CLVS1: variants seen among roughly 807,000 people sequenced by gnomAD.
CLVS1 encodes clavesin 1.
CLVS1 carries 10 observed loss-of-function variants against 33.1 expected under a neutral mutation model. The observed-to-expected ratio is 0.30, with a 90% CI of 0.19 to 0.51. The LOEUF (loss-of-function observed/expected upper bound fraction) is 0.51. Ranked by LOEUF, CLVS1 falls within the 20% of genes least tolerant of loss-of-function variation. The pLI is 0.97. For synonymous variants in CLVS1, 163 were observed against 166.1 expected (o/e 0.98, Z 0.14); for missense variants, 343 against 433.4 (o/e 0.79, Z 1.85).
intron 2 of CLVS1, among the ~76,000 whole-genome samples, chr8:61,368,056 A>G (rs1813286368): frequency 6.6e-6 from 1 of 152,238 alleles, no homozygotes; most frequent in South Asian, 2.1e-4. Context: ...TCAATTCTTG[A>G]GAGAATACAG....
intron 5 of CLVS1, among the ~76,000 whole-genome samples, chr8:61,495,925 C>T (rs1468535029): frequency 6.6e-6 from 1 of 152,164 alleles, no homozygotes; most frequent in Non-Finnish European, 1.5e-5. Flanking sequence ...TCTGGCTAGC[C>T]TTGGCTGGGC....
chr8:61,212,178 C>A (rs1807984302), intron 2 of CLVS1, among the ~76,000 whole-genome samples: 2 of 152,338 alleles, frequency 1.3e-5, no homozygotes, highest in African/African-American at 4.8e-5. Flanking sequence ...AGCCTCTCCG[C>A]CCTCCAGTTC....
rs188142390 is a variant in CLVS1, at chr8:61,290,968, A to G, written c.-152+2830A>G. Reference sequence around the variant, plus strand: ...CAAGTCTGCAACCTCTAACTGATGTATGTCTCTTTATTGAAACTTATGCTT... The same window carrying G: ...CAAGTCTGCAACCTCTAACTGATGTGTGTCTCTTTATTGAAACTTATGCTT... On this transcript the variant is annotated intron_variant, in intron 1 of 5. Coordinates refer to ENST00000325897, the MANE Select transcript of CLVS1 (RefSeq NM_173519.3). Among the ~76,000 whole-genome samples the G allele has an allele frequency of 4.5e-4, 69 of 152,302 alleles. 1 individual carries two copies. In the East Asian group the frequency reaches 0.013, roughly 28 times the overall value.
At chr8:61,063,424 G>A (rs1266369642) in intron 1 of CLVS1, among the ~76,000 whole-genome samples, 2 of 152,188 alleles carry the variant, frequency 1.3e-5, no homozygotes, top group Non-Finnish European at 2.9e-5. Context: ...GGGTGGTGTT[G>A]AGAATAGCAT....
chr8:61,291,232 G>A (rs1395785564), intron 1 of CLVS1, among the ~76,000 whole-genome samples: 1 of 152,158 alleles, frequency 6.6e-6, no homozygotes, highest in Non-Finnish European at 1.5e-5. Flanking sequence ...GTGACAGGGA[G>A]TATCAGAGAA....
At chr8:61,449,322 T>C (rs778936349) in intron 3 of CLVS1, among the ~76,000 whole-genome samples, 1 of 152,220 alleles carries the variant, frequency 6.6e-6, no homozygotes, top group African/African-American at 2.4e-5. Context: ...GGATTCTCAT[T>C]ACTGACAGGT....
intron 2 of CLVS1, among the ~76,000 whole-genome samples, chr8:61,358,502 A>G (rs1163564759): frequency 2.6e-5 from 4 of 152,218 alleles, no homozygotes; most frequent in Admixed American, 1.3e-4. Context: ...TAAGTCCCAC[A>G]TTTGATCAGA....
chr8:61,319,259 G>GCCTCACTAATTCTGTAC (rs1811115097), intron 2 of CLVS1, among the ~76,000 whole-genome samples: 1 of 152,104 alleles, frequency 6.6e-6, no homozygotes, highest in Non-Finnish European at 1.5e-5. Flanking sequence ...CCTTTCTGTG[G>GCCTCACTAATTCTGTAC]CCTCACTAAT....
rs11452736 is a variant in CLVS1, at chr8:61,227,294, CT to C, written c.-151-72369del. On this transcript the variant is annotated intron_variant, in intron 2 of 2. Coordinates refer to the CLVS1 transcript ENST00000522621. The stretch of plus-strand genomic sequence containing the variant: ...CTCTTCAAGGATTAGGCGAGAAATG[CT>C]TTTTTTTTTTTTTAATATGTTGAGG... Among the ~76,000 whole-genome samples, 1,188 of 142,836 alleles carry C rather than the reference CT, an allele frequency of 8.3e-3. 12 individuals are homozygous for C. Among genetic ancestry groups the C allele is most frequent in the African/African-American group, 0.022 (842 of 38,658 alleles). The allele number at this position is 142,836 out of a possible 152,430, so 93.7% of individuals were successfully genotyped here.
At chr8:61,484,030 C>T (rs1803770565) in intron 5 of CLVS1, among the ~76,000 whole-genome samples, 1 of 152,160 alleles carries the variant, frequency 6.6e-6, no homozygotes, top group Admixed American at 6.5e-5. Flanking sequence ...TGAAAACTGG[C>T]ACAAGACAGG....
intron 4 of CLVS1, 81 bp from the exon 5 acceptor site, chr8:61,458,226 G>A (rs1817237111): frequency 9.7e-7 from 1 of 1,033,576 alleles, no homozygotes; most frequent in Non-Finnish European, 1.5e-6. Flanking sequence ...AATTTGTCAT[G>A]GCTAAATTGT....
At chr8:61,188,396 G>A (rs1266361958) in intron 2 of CLVS1, among the ~76,000 whole-genome samples, 2 of 151,772 alleles carry the variant, frequency 1.3e-5, no homozygotes, top group Admixed American at 6.6e-5. Context: ...AGATAGCCAG[G>A]CATACAAAAA....
chr8:61,382,294 A>G (rs2201261), intron 3 of CLVS1, among the ~76,000 whole-genome samples: 97,816 of 152,116 alleles, frequency 0.64, 33,290 homozygotes, highest in Non-Finnish European at 0.75. Flanking sequence ...CAGTCCATAC[A>G]TCAGATATGC....
At chr8:61,287,184 A>G (rs1479921012), upstream of CLVS1, among the ~76,000 whole-genome samples, 1 of 152,228 alleles carries the variant, frequency 6.6e-6, no homozygotes. Context: ...TTCCAACAAT[A>G]TAAGACATGC....
chr8:61,192,781 A>T (rs1420921141), intron 2 of CLVS1, among the ~76,000 whole-genome samples: 1 of 152,250 alleles, frequency 6.6e-6, no homozygotes, highest in Non-Finnish European at 1.5e-5. Context: ...GCTCATCATC[A>T]CTGGCCATCA....
chr8:61,444,310 GT>G (rs970598823), intron 3 of CLVS1, among the ~76,000 whole-genome samples: 2 of 152,124 alleles, frequency 1.3e-5, no homozygotes, highest in African/African-American at 4.8e-5. Flanking sequence ...TGTTCCTGTT[GT>G]TGGGGAAAAA....
intron 1 of CLVS1, among the ~76,000 whole-genome samples, chr8:61,080,079 A>C (rs1399471451): frequency 6.6e-6 from 1 of 152,220 alleles, no homozygotes; most frequent in Non-Finnish European, 1.5e-5. Context: ...TTATCTATGG[A>C]AAGTAGCAAA....
chr8:61,281,860 A>G (rs189408955), intron 2 of CLVS1, among the ~76,000 whole-genome samples: 3 of 152,296 alleles, frequency 2.0e-5, no homozygotes, highest in Non-Finnish European at 2.9e-5. Flanking sequence ...TATATCTCAA[A>G]TCCTAGGAAC....
intron 3 of CLVS1, among the ~76,000 whole-genome samples, chr8:61,438,175 G>T (rs143530705): frequency 6.6e-6 from 1 of 151,968 alleles, no homozygotes; most frequent in South Asian, 2.1e-4. Context: ...CTCTCTGCTC[G>T]CACCCCCAAC....
Sources: gnomAD v4.1 joint callset for allele counts (sites outside exome capture counted in the v4.1 genomes callset) on GRCh38, gnomAD v4.1.1 for gene constraint, MANE v1.5 for transcripts, NCBI Gene and HGNC (gene_info 2026-07-23, HGNC 2026-07-21) for gene names.